Variants in FHIT observed in about 807,000 individuals in gnomAD.
The protein encoded by FHIT is bis(5'-adenosyl)-triphosphatase.
In FHIT, 19 loss-of-function variants were observed where a neutral mutation model predicts 17.9. That is an observed-to-expected ratio of 1.06 (90% CI 0.74 to 1.56). The LOEUF (loss-of-function observed/expected upper bound fraction) is 1.56. Among genes scored for constraint, FHIT ranks in the 40% most tolerant of loss-of-function variants. The pLI, the probability that FHIT is intolerant of heterozygous loss-of-function variation, is 0.00. For missense variants in FHIT, 248 were observed against 189.2 expected, an observed-to-expected ratio of 1.31 and a Z score of -1.82; for synonymous variants, 81 against 69.7, an observed-to-expected ratio of 1.16 and a Z score of -0.81.
In FHIT at chr3:60,534,503, G is replaced by A. The variant is rs184780173; in HGVS notation, c.103+2357C>T. On this transcript the variant is annotated intron_variant, in intron 5 of 9. Coordinates refer to ENST00000492590, the MANE Select transcript of FHIT (RefSeq NM_002012.4). ...TTGTAACATGGCAGAGTTTATAAAG[G>A]TAAAGTAAAATAAAAAGTTACAAAA... Among the ~76,000 whole-genome samples, 417 of 148,272 alleles carry A rather than the reference G, an allele frequency of 2.8e-3. 2 individuals are homozygous for A. The highest frequency in any genetic ancestry group is 9.9e-3 in the African/African-American group (399 of 40,106).
intron 5 of FHIT, among the ~76,000 whole-genome samples, chr3:60,193,300 T>C (rs1252074074): frequency 6.6e-6 from 1 of 152,130 alleles, no homozygotes; most frequent in African/African-American, 2.4e-5. Flanking sequence ...ACAGAGCTGG[T>C]CTCAGCACCC....
At chr3:60,690,709 G>C (rs1323759465) in intron 4 of FHIT, 4 of 442,740 alleles carry the variant, frequency 9.0e-6, no homozygotes, top group African/African-American at 2.0e-5. Context: ...GAAAACAGTG[G>C]GGTTGACCAT....
chr3:61,017,093 C>G (rs1218992596), intron 3 of FHIT, among the ~76,000 whole-genome samples: 1 of 152,130 alleles, frequency 6.6e-6, no homozygotes, highest in African/African-American at 2.4e-5. Flanking sequence ...TCAAGACCAG[C>G]CTGGCCAAAA....
chr3:60,520,064 A>G (rs2035302684), intron 5 of FHIT, among the ~76,000 whole-genome samples: 2 of 152,134 alleles, frequency 1.3e-5, no homozygotes, highest in Admixed American at 6.5e-5. Flanking sequence ...CACCATCTTT[A>G]TATTTCTTTA....
At chr3:60,362,666 C>T (rs150773817) in intron 5 of FHIT, among the ~76,000 whole-genome samples, 62 of 152,298 alleles carry the variant, frequency 4.1e-4, no homozygotes, top group South Asian at 1.7e-3. Context: ...TTATCACCTA[C>T]GTGAACAGAG....
chr3:60,893,313 T>C (rs1476297528), intron 3 of FHIT, among the ~76,000 whole-genome samples: 1 of 152,218 alleles, frequency 6.6e-6, no homozygotes, highest in Non-Finnish European at 1.5e-5. Flanking sequence ...GTTTAACTGA[T>C]TCATCAGATT....
chr3:60,984,568 T>C (rs1272456380), intron 3 of FHIT, among the ~76,000 whole-genome samples: 1 of 152,190 alleles, frequency 6.6e-6, no homozygotes, highest in East Asian at 1.9e-4. Flanking sequence ...TGATCTAACA[T>C]AGGCAGAGAA....
intron 5 of FHIT, among the ~76,000 whole-genome samples, chr3:60,434,810 T>C (rs1193050298): frequency 1.3e-5 from 2 of 152,140 alleles, no homozygotes; most frequent in African/African-American, 4.8e-5. Flanking sequence ...AATTAAAATA[T>C]CTCTTTCATT....
intron 4 of FHIT, among the ~76,000 whole-genome samples, chr3:60,597,686 C>T (rs1007984981): frequency 6.6e-6 from 1 of 152,130 alleles, no homozygotes; most frequent in African/African-American, 2.4e-5. Flanking sequence ...GAGGGTAACT[C>T]AGGCTCCTCT....
chr3:60,208,240 T>G (rs567933946), intron 5 of FHIT, among the ~76,000 whole-genome samples: 23 of 152,272 alleles, frequency 1.5e-4, no homozygotes, highest in African/African-American at 5.5e-4. Flanking sequence ...AGGCAACACT[T>G]TAACCTTATG....
rs560034151 is a variant in FHIT, at chr3:60,247,937, A to G, written c.104-233785T>C. Among the ~76,000 whole-genome samples the G allele has an allele frequency of 4.8e-4, 71 of 148,144 alleles. 1 individual carries two copies. The highest frequency in any genetic ancestry group is 1.4e-3 in the Admixed American group (22 of 15,190). On this transcript the variant is annotated intron_variant, in intron 5 of 9. Coordinates refer to ENST00000492590, the MANE Select transcript of FHIT (RefSeq NM_002012.4). The stretch of plus-strand genomic sequence containing the variant: ...ACAACTTAATGTAAAAGGGAACTAC[A>G]AGTAATTTTTTAAATCGATAAGCAC...
rs563575519 is a variant in FHIT at position 60,236,762 on chromosome 3, C to A, written c.104-222610G>T. On this transcript the variant is annotated intron_variant, in intron 5 of 9. Coordinates refer to ENST00000492590, the MANE Select transcript of FHIT (RefSeq NM_002012.4). ...ATATTCTCACTGTAAAAAATTCAAA[C>A]CATATAGAAAAATATAAAAACTCCC... Among the ~76,000 whole-genome samples the A allele has an allele frequency of 2.0e-5, 3 of 152,162 alleles. No individual in the cohort carries two copies. In the South Asian group the frequency reaches 6.2e-4, roughly 32 times the overall value.
chr3:60,895,467 C>G (rs185642512), intron 3 of FHIT, among the ~76,000 whole-genome samples: 10 of 152,140 alleles, frequency 6.6e-5, no homozygotes, highest in Admixed American at 6.5e-4. Context: ...GTGTAAACAC[C>G]CTGCTAATCA....
chr3:61,033,439 T>C (rs1039411985), intron 3 of FHIT, among the ~76,000 whole-genome samples: 1 of 152,210 alleles, frequency 6.6e-6, no homozygotes, highest in African/African-American at 2.4e-5. Context: ...AAATACCTCA[T>C]CAATAATTTT....
At chr3:60,238,777 A>AC (rs1246129738) in intron 5 of FHIT, among the ~76,000 whole-genome samples, 1 of 151,976 alleles carries the variant, frequency 6.6e-6, no homozygotes, top group Non-Finnish European at 1.5e-5. Context: ...CTTCATGCCA[A>AC]CCCTGTTTTT....
At chr3:60,172,761 G>T (rs1314730316) in intron 5 of FHIT, among the ~76,000 whole-genome samples, 1 of 152,152 alleles carries the variant, frequency 6.6e-6, no homozygotes, top group Non-Finnish European at 1.5e-5. Flanking sequence ...ATGGGCAGAG[G>T]CTCCTCCAAG....
intron 8 of FHIT, among the ~76,000 whole-genome samples, chr3:59,837,325 T>G (rs1394585704): frequency 6.6e-6 from 1 of 152,204 alleles, no homozygotes; most frequent in African/African-American, 2.4e-5. Context: ...ATATAACCTA[T>G]GCACATCTTC....
At chr3:60,060,525 G>T (rs1309886355) in intron 5 of FHIT, among the ~76,000 whole-genome samples, 1 of 152,134 alleles carries the variant, frequency 6.6e-6, no homozygotes, top group Non-Finnish European at 1.5e-5. Context: ...ATATTAAAAT[G>T]CATATTAACT....
At chr3:60,937,012 C>CTTT (rs367904441) in intron 3 of FHIT, among the ~76,000 whole-genome samples, 1 of 151,660 alleles carries the variant, frequency 6.6e-6, no homozygotes. Context: ...GAGCTGAAGT[C>CTTT]TCAATTTTCA....
Sources: gnomAD v4.1 joint callset for allele counts (sites outside exome capture counted in the v4.1 genomes callset) on GRCh38, gnomAD v4.1.1 for gene constraint, MANE v1.5 for transcripts, NCBI Gene and HGNC (gene_info 2026-07-23, HGNC 2026-07-21) for gene names.